Variants in ZNF366 observed in about 807,000 individuals in gnomAD.
ZNF366 encodes the protein zinc finger protein 366.
Under a neutral mutation model 47.2 loss-of-function variants are expected in ZNF366, and 20 were observed. The observed-to-expected ratio is 0.42, with a 90% CI of 0.30 to 0.62. ZNF366 has a LOEUF of 0.62. ZNF366 is among the 20% of genes least tolerant of loss of function. The probability of loss-of-function intolerance (pLI) is 0.16; values close to 1 mark genes in which losing one functional copy is unlikely to be tolerated. For missense variants in ZNF366, 987 were observed against 976.3 expected (o/e 1.01, Z -0.15); for synonymous variants, 421 against 395.1 (o/e 1.07, Z -0.78).
chr5:72,452,525 C>T lies in ZNF366; in HGVS notation c.1524+3879G>A, dbSNP rs115453841. Reference sequence around the variant, plus strand: ...AACTCTGACCCCAAACACTGGGCCCCTCAAAGCCCCCCATCTGGTTTCTTC... The same window carrying T: ...AACTCTGACCCCAAACACTGGGCCCTTCAAAGCCCCCCATCTGGTTTCTTC... On this transcript the variant is annotated intron_variant, in intron 3 of 4. Transcript: ENST00000318442. Among the ~76,000 whole-genome samples the T allele has an allele frequency of 4.7e-3, 722 of 152,330 alleles. 3 individuals are homozygous for T. Among genetic ancestry groups the T allele is most frequent in the African/African-American group, 0.017 (706 of 41,578 alleles).
At chr5:72,496,195 C>T (rs1441479828) in intron 1 of ZNF366, among the ~76,000 whole-genome samples, 1 of 151,998 alleles carries the variant, frequency 6.6e-6, no homozygotes, top group Non-Finnish European at 1.5e-5. Context: ...AAAATTTATA[C>T]AGTTGTGCAA....
intron 3 of ZNF366, among the ~76,000 whole-genome samples, chr5:72,450,255 T>C (rs1370008090): frequency 6.6e-6 from 1 of 152,238 alleles, no homozygotes; most frequent in African/African-American, 2.4e-5. Flanking sequence ...ATCAAATTCT[T>C]GTTGCTGCCA....
At chr5:72,502,605 T>C (rs1164587531) in intron 1 of ZNF366, among the ~76,000 whole-genome samples, 4 of 152,212 alleles carry the variant, frequency 2.6e-5, no homozygotes, top group Non-Finnish European at 5.9e-5. Flanking sequence ...CCATTATCAA[T>C]CTTTTTGCCT....
In ZNF366 at chr5:72,444,156, T is replaced by A. The variant is rs150632586; in HGVS notation, c.1835A>T (p.Gln612Leu). ...TTCCTCCTCGTGGCAGTGGCTGCCC[T>A]GGGCACTCTCCCCGTCTGACTGGAA... ...PVFQSDGESA[Q>L]GSHCHEEEEE... Residue 612 changes from glutamine (Q) to leucine (L), a missense_variant, in exon 5 of 5, where the codon CAG becomes CTG. By Grantham distance (113) the Gln-to-Leu change is moderately radical. Around this residue, in one of 3 missense-constraint regions of ZNF366, gnomAD observed 285 missense variants for 234.8 expected, o/e 1.21. Coordinates refer to ENST00000318442, the MANE Select transcript of ZNF366 (RefSeq NM_152625.3). The A allele has an allele frequency of 2.4e-4, 387 of 1,613,642 alleles. No homozygotes were observed. The African/African-American group carries it at 4.6e-3, about 19-fold the overall frequency.
At chr5:72,484,507 T>G (rs970061227) in intron 1 of ZNF366, among the ~76,000 whole-genome samples, 3 of 149,282 alleles carry the variant, frequency 2.0e-5, no homozygotes, top group Admixed American at 6.7e-5. Flanking sequence ...ATAATAATAA[T>G]AATAATAATT....
intron 1 of ZNF366, among the ~76,000 whole-genome samples, chr5:72,503,390 C>T (rs1744253473): frequency 6.6e-6 from 1 of 152,030 alleles, no homozygotes; most frequent in Non-Finnish European, 1.5e-5. Context: ...AATGTTAATG[C>T]CATCCAGAAG....
intron 1 of ZNF366, among the ~76,000 whole-genome samples, chr5:72,466,785 G>T (rs559352628): frequency 6.6e-6 from 1 of 152,304 alleles, no homozygotes; most frequent in South Asian, 2.1e-4. Flanking sequence ...TAAGTTATTA[G>T]GTAGTTATGA....
intron 1 of ZNF366, among the ~76,000 whole-genome samples, chr5:72,486,145 C>T (rs936782868): frequency 1.3e-5 from 2 of 152,206 alleles, no homozygotes; most frequent in Admixed American, 6.5e-5. Context: ...GAATATTTGT[C>T]TTTTGTTTCC....
intron 1 of ZNF366, among the ~76,000 whole-genome samples, chr5:72,474,430 C>A (rs1222240855): frequency 1.3e-5 from 2 of 152,248 alleles, no homozygotes; most frequent in East Asian, 3.9e-4. Context: ...TCTTCCACTA[C>A]ATTGAAATAA....
At position 72,460,158 on chromosome 5, in the gene ZNF366, G is replaced by T; in HGVS notation, c.1332+7C>A. 2 of 1,612,990 alleles carry T rather than the reference G, an allele frequency of 1.2e-6. No individual in the cohort carries two copies. The highest frequency in any genetic ancestry group is 8.5e-7 in the Non-Finnish European group (1 of 1,179,376). On this transcript the variant is annotated splice_region_variant and intron_variant, in intron 2 of 4. Transcript: ENST00000318442. ...CCCCGTCCGCCCCACCAGAGGCCCC[G>T]CAGTACCTTGTGGGTGAGGGAGTGC...
intron 4 of ZNF366, among the ~76,000 whole-genome samples, chr5:72,446,198 A>G (rs1742953616): frequency 6.6e-6 from 1 of 152,204 alleles, no homozygotes. Context: ...TGAGCAGTTT[A>G]TCTAACACCT....
Position 72,443,533 on chromosome 5 carries a change from T to C in ZNF366, c.*223A>G. ...CACAGTTTATTATACTGGCAATGCA[T>C]AAAACGCCACTGATGAAGACCCTGC... is the stretch of plus-strand genomic sequence containing the variant. On this transcript the variant is annotated 3_prime_UTR_variant, in exon 5 of 5. Coordinates refer to ENST00000318442, the MANE Select transcript of ZNF366 (RefSeq NM_152625.3). 1 of 510,118 alleles carries C rather than the reference T, an allele frequency of 2.0e-6. No homozygotes were observed. Among genetic ancestry groups the C allele is most frequent in the Admixed American group, 3.6e-5 (1 of 27,788 alleles). 31.6% of individuals were successfully genotyped at this position (510,118 alleles called of 1,614,324 possible).
chr5:72,503,388 T>C (rs1043256403), intron 1 of ZNF366, among the ~76,000 whole-genome samples: 28 of 152,164 alleles, frequency 1.8e-4, no homozygotes, highest in Admixed American at 5.2e-4. Context: ...TTAATGTTAA[T>C]GCCATCCAGA....
At chr5:72,499,150 C>T (rs1033860774) in intron 1 of ZNF366, among the ~76,000 whole-genome samples, 2 of 152,340 alleles carry the variant, frequency 1.3e-5, no homozygotes, top group East Asian at 3.9e-4. Context: ...CAAACATCCC[C>T]ATTTAGATCT....
At position 72,460,566 on chromosome 5, in the gene ZNF366, A is replaced by C. The variant is rs1388111819; in HGVS notation, c.931T>G (p.Cys311Gly). 2 of 1,614,076 alleles carry C rather than the reference A, an allele frequency of 1.2e-6. No individual in the cohort carries two copies. Among genetic ancestry groups the C allele is most frequent in the Non-Finnish European group, 1.7e-6 (2 of 1,180,026 alleles). The change falls in exon 2 of 5, where the codon TGC becomes GGC. Residue 311 changes from cysteine to glycine, a missense_variant. By Grantham distance (159) the Cys-to-Gly change is radical. This residue lies in a region of ZNF366 where 591 missense variants were observed against 560.9 expected (regional missense o/e 1.05). Transcript: ENST00000318442. ...LTHQGTRPHK[C>G]QVCHKAFTQT... is the part of the protein sequence containing the mutation. Reference sequence around the variant, plus strand: ...GTGAAGGCCTTGTGGCACACCTGGCACTTGTGGGGCCGCGTGCCCTGGTGG... The same window carrying C: ...GTGAAGGCCTTGTGGCACACCTGGCCCTTGTGGGGCCGCGTGCCCTGGTGG...
intron 1 of ZNF366, among the ~76,000 whole-genome samples, chr5:72,481,006 G>A (rs577829647): frequency 8.5e-5 from 13 of 152,226 alleles, no homozygotes; most frequent in Non-Finnish European, 8.8e-5. Flanking sequence ...GAAAGAGTGC[G>A]GGAAATATTG....
intron 1 of ZNF366, among the ~76,000 whole-genome samples, chr5:72,494,883 T>C (rs1168595747): frequency 2.6e-5 from 4 of 152,164 alleles, no homozygotes; most frequent in Admixed American, 1.3e-4. Context: ...AATATTCTAA[T>C]CCAAATGTAA....
chr5:72,463,495 C>A (rs1357001286), intron 1 of ZNF366, among the ~76,000 whole-genome samples: 1 of 152,328 alleles, frequency 6.6e-6, no homozygotes, highest in Admixed American at 6.5e-5. Context: ...TATGAGCAAG[C>A]TCTTGTATGT....
chr5:72,462,430 C>T (rs1743334141), intron 1 of ZNF366, among the ~76,000 whole-genome samples: 1 of 152,090 alleles, frequency 6.6e-6, no homozygotes, highest in African/African-American at 2.4e-5. Flanking sequence ...TGTCCTGAGA[C>T]ATAGGCATGT....
Sources: gnomAD v4.1 joint callset for allele counts (sites outside exome capture counted in the v4.1 genomes callset) on GRCh38, gnomAD v4.1.1 for gene constraint, gnomAD v4.1.1 regional missense constraint, MANE v1.5 for transcripts, NCBI Gene and HGNC (gene_info 2026-07-23, HGNC 2026-07-21) for gene names.